Variants in SV2C observed in about 807,000 individuals in gnomAD.
SV2C encodes the protein synaptic vesicle glycoprotein 2C.
Under a neutral mutation model 79.7 loss-of-function variants are expected in SV2C, and 49 were observed. The observed-to-expected ratio is 0.61, with a 90% CI of 0.49 to 0.78. The LOEUF (loss-of-function observed/expected upper bound fraction) is 0.78, where lower values mean the gene tolerates loss of function less well. Among genes scored for constraint, SV2C ranks in the 30% least tolerant of loss-of-function variants. The pLI is 0.00. For synonymous variants in SV2C, 334 were observed against 333.2 expected, an observed-to-expected ratio of 1.00 and a Z score of -0.03; for missense variants, 833 against 912.9, an observed-to-expected ratio of 0.91 and a Z score of 1.13.
rs1193676850 is a variant in SV2C at position 76,121,838 on chromosome 5, A to G, written c.-101-9812A>G. On this transcript the variant is annotated intron_variant, in intron 1 of 12. Coordinates refer to ENST00000502798, the MANE Select transcript of SV2C (RefSeq NM_014979.4). ...GCTTTGTTCTTTTGGCTTAGGATTG[A>G]CTTGGCGATGCAGGCTCTTTTTTGG... Among the ~76,000 whole-genome samples, 4 of 151,754 alleles carry G rather than the reference A, an allele frequency of 2.6e-5. No homozygotes were observed. In the East Asian group the frequency reaches 7.7e-4, roughly 29 times the overall value.
intron 2 of SV2C, among the ~76,000 whole-genome samples, chr5:76,176,535 A>G (rs1309909850): frequency 1.3e-5 from 2 of 152,090 alleles, no homozygotes; most frequent in African/African-American, 2.4e-5. Flanking sequence ...CCACCCATAA[A>G]CACCCTCTGC....
chr5:76,083,301 A>C (rs1451866760), upstream of SV2C: 1 of 152,516 alleles, frequency 6.6e-6, no homozygotes, highest in Non-Finnish European at 1.5e-5. Context: ...AGGCAGGCGG[A>C]GGAGAGGAGG....
the SV2C span, among the ~76,000 whole-genome samples, chr5:76,038,657 A>G: frequency 6.6e-6 from 1 of 152,242 alleles, no homozygotes; most frequent in Non-Finnish European, 1.5e-5. Flanking sequence ...ATCTTAAAGC[A>G]TAATTGAACT....
chr5:76,353,594 C>G (rs932622212), exon 13 of SV2C: 3 of 152,562 alleles, frequency 2.0e-5, no homozygotes, highest in Non-Finnish European at 4.4e-5. Flanking sequence ...AAAAAAAATT[C>G]TGAAAACCTC....
chr5:76,179,807 G>A (rs1743663811), intron 2 of SV2C, among the ~76,000 whole-genome samples: 1 of 152,190 alleles, frequency 6.6e-6, no homozygotes, highest in South Asian at 2.1e-4. Flanking sequence ...TTAGGTGTCT[G>A]CCTGTTTCAG....
At chr5:76,127,906 C>G (rs746992439) in intron 1 of SV2C, among the ~76,000 whole-genome samples, 1 of 152,150 alleles carries the variant, frequency 6.6e-6, no homozygotes, top group Non-Finnish European at 1.5e-5. Context: ...TGCCGCCCTG[C>G]TTCCATCGCT....
chr5:76,256,371 C>T (rs541823994), intron 4 of SV2C, among the ~76,000 whole-genome samples: 4 of 152,218 alleles, frequency 2.6e-5, no homozygotes, highest in Non-Finnish European at 4.4e-5. Context: ...TTGCTTGGAA[C>T]ATCCACTCAC....
chr5:75,990,003 G>C, the SV2C span, among the ~76,000 whole-genome samples: 2 of 145,894 alleles, frequency 1.4e-5, no homozygotes, highest in South Asian at 4.3e-4. Flanking sequence ...TGGTAAGTTT[G>C]TTTAAATTCC....
At chr5:75,962,958 G>A in the SV2C span, among the ~76,000 whole-genome samples, 1 of 152,032 alleles carries the variant, frequency 6.6e-6, no homozygotes, top group Admixed American at 6.6e-5. Context: ...ACAAATACAT[G>A]TACAAGTTAA....
rs1357105776 is a variant in SV2C at position 76,278,565 on chromosome 5, A to G, written c.914-6597A>G. On this transcript the variant is annotated intron_variant, in intron 4 of 12. Transcript: ENST00000502798. The stretch of plus-strand genomic sequence containing the variant: ...ACTCAGAAAGCCTGGCTAAAATACA[A>G]CAAACATCCTTTCTATCCTTTCTCA... 3.9e-5 allele frequency among the ~76,000 whole-genome samples: 6 copies of G among 152,202 alleles called. No homozygotes were observed. In the East Asian group the frequency reaches 1.2e-3, roughly 29 times the overall value.
At chr5:76,065,543 C>A in the SV2C span, among the ~76,000 whole-genome samples, 35 of 152,080 alleles carry the variant, frequency 2.3e-4, no homozygotes, top group Admixed American at 2.3e-3. Flanking sequence ...TTAAGAAATA[C>A]GTAATTTTTT....
At chr5:76,077,337 T>A in the SV2C span, among the ~76,000 whole-genome samples, 2 of 152,106 alleles carry the variant, frequency 1.3e-5, no homozygotes, top group African/African-American at 4.8e-5. Flanking sequence ...TCTTCATCCA[T>A]AGTAAATTCT....
At chr5:76,281,290 A>G (rs1398169053) in intron 4 of SV2C, 2 of 487,020 alleles carry the variant, frequency 4.1e-6, no homozygotes, top group Middle Eastern at 1.5e-3. Flanking sequence ...GTTTTCATAG[A>G]CTAGAACTTA....
At chr5:76,323,344 T>A (rs1295431821) in intron 12 of SV2C, among the ~76,000 whole-genome samples, 2 of 152,212 alleles carry the variant, frequency 1.3e-5, no homozygotes, top group African/African-American at 2.4e-5. Context: ...AGATACTATC[T>A]CATGCCAGTC....
the SV2C span, among the ~76,000 whole-genome samples, chr5:75,861,076 A>T: frequency 2.6e-5 from 4 of 152,244 alleles, no homozygotes; most frequent in African/African-American, 7.2e-5. Flanking sequence ...CAAACTATGC[A>T]TCTGACAAAG....
chr5:75,930,192 A>G, the SV2C span, among the ~76,000 whole-genome samples: 1 of 150,340 alleles, frequency 6.7e-6, no homozygotes, highest in East Asian at 2.0e-4. Flanking sequence ...TTTCCGCCTC[A>G]TCTTTTCTAC....
intron 1 of SV2C, among the ~76,000 whole-genome samples, chr5:76,102,035 G>T (rs912815299): frequency 4.6e-5 from 7 of 152,076 alleles, no homozygotes; most frequent in Non-Finnish European, 1.0e-4. Flanking sequence ...TTCCTAACAG[G>T]ATCTTTGGAC....
chr5:76,270,990 A>T (rs2112472859), intron 4 of SV2C, among the ~76,000 whole-genome samples: 1 of 152,224 alleles, frequency 6.6e-6, no homozygotes, highest in South Asian at 2.1e-4. Context: ...GCTGATCTCG[A>T]ACTGCTGACC....
chr5:76,325,741 T>G lies in SV2C; in HGVS notation c.*194T>G. On this transcript the variant is annotated 3_prime_UTR_variant, in exon 13 of 13. Transcript: ENST00000502798. ...TTTTGCACAGGTTGTTTGTTTGTTTTGTTTTGTTTGAATGCATTGTTATCT... is the reference window on the plus strand; with the variant it reads ...TTTTGCACAGGTTGTTTGTTTGTTTGGTTTTGTTTGAATGCATTGTTATCT... 1.3e-6 allele frequency: 1 copy of G among 754,388 alleles called. No individual in the cohort carries two copies. The highest frequency in any genetic ancestry group is 2.0e-6 in the Non-Finnish European group (1 of 500,350). The allele number at this position is 754,388 out of a possible 1,614,324, so 46.7% of individuals were successfully genotyped here. A position where few individuals can be genotyped will look rare whatever the true frequency, so the allele number is the denominator to read the frequency against.
Sources: gnomAD v4.1 joint callset for allele counts (sites outside exome capture counted in the v4.1 genomes callset) on GRCh38, gnomAD v4.1.1 for gene constraint, MANE v1.5 for transcripts, NCBI Gene and HGNC (gene_info 2026-07-23, HGNC 2026-07-21) for gene names.